Variants in R3HDM2 observed in about 807,000 individuals in gnomAD.
R3HDM2 encodes the protein R3H domain containing 2.
In R3HDM2, 38 loss-of-function variants were observed where a neutral mutation model predicts 124.5. The ratio of observed to expected loss-of-function variants is 0.31; its 90% confidence interval spans 0.24 to 0.40. The LOEUF is 0.40. Ranked by LOEUF, R3HDM2 falls within the 10% of genes least tolerant of loss-of-function variation. The pLI is 1.00. For missense variants in R3HDM2, 869 were observed against 1,236.9 expected, an observed-to-expected ratio of 0.70 and a Z score of 4.46; for synonymous variants, 391 against 448.0, an observed-to-expected ratio of 0.87 and a Z score of 1.61.
At chr12:57,414,505 A>C (rs1342338513) in intron 1 of R3HDM2, among the ~76,000 whole-genome samples, 2 of 146,728 alleles carry the variant, frequency 1.4e-5, no homozygotes, top group African/African-American at 5.0e-5. Context: ...AAAAAAAAAA[A>C]AAAAACGAAA....
chr12:57,303,523 C>A (rs1411496717), intron 3 of R3HDM2, among the ~76,000 whole-genome samples: 1 of 151,724 alleles, frequency 6.6e-6, no homozygotes, highest in Non-Finnish European at 1.5e-5. Flanking sequence ...GCAGGCGGAT[C>A]CCTTGAGCTC....
intron 2 of R3HDM2, among the ~76,000 whole-genome samples, chr12:57,374,923 G>A (rs1005365279): frequency 6.0e-5 from 9 of 151,068 alleles, no homozygotes; most frequent in African/African-American, 9.7e-5. Context: ...GTGAACCCGG[G>A]AGGCGGAGCT....
chr12:57,416,979 G>C (rs2069685688), intron 1 of R3HDM2, among the ~76,000 whole-genome samples: 1 of 150,876 alleles, frequency 6.6e-6, no homozygotes, highest in South Asian at 2.1e-4. Flanking sequence ...GTGGTGGCGG[G>C]CACCTGTAGT....
intron 12 of R3HDM2, among the ~76,000 whole-genome samples, chr12:57,285,738 C>G (rs563915790): frequency 3.5e-4 from 54 of 152,304 alleles, no homozygotes; most frequent in South Asian, 1.5e-3. Flanking sequence ...ATAGATGAGG[C>G]TGCTCATTAG....
chr12:57,361,906 G>A (rs1257010101), intron 2 of R3HDM2, among the ~76,000 whole-genome samples: 1 of 152,116 alleles, frequency 6.6e-6, no homozygotes, highest in Non-Finnish European at 1.5e-5. Flanking sequence ...CAACAGATGA[G>A]TTTCCAGACA....
rs182015691 is a variant in R3HDM2, at chr12:57,335,453, G to A, written c.-35-24990C>T. ...AAACTCCTGACCTCAGCCTCCCAAA[G>A]TGCTGGGATTACAGGCGTGAGCCAT... On this transcript the variant is annotated intron_variant, in intron 2 of 23. Transcript: ENST00000402412. Among the ~76,000 whole-genome samples, 30 of 145,666 alleles carry A rather than the reference G, an allele frequency of 2.1e-4. 1 individual carries two copies. In the East Asian group the frequency reaches 5.4e-3, roughly 26 times the overall value.
chr12:57,335,841 G>A (rs887546444), intron 2 of R3HDM2, among the ~76,000 whole-genome samples: 3 of 152,080 alleles, frequency 2.0e-5, no homozygotes, highest in East Asian at 1.9e-4. Flanking sequence ...GCTGAAGCAG[G>A]AGGATGGCTT....
intron 2 of R3HDM2, among the ~76,000 whole-genome samples, chr12:57,334,478 C>CT (rs542776584): frequency 0.066 from 9,644 of 145,812 alleles, 412 homozygotes; most frequent in East Asian, 0.21. Flanking sequence ...TTTCCCTTGC[C>CT]TTTTTTTTTT....
At chr12:57,331,534 C>A (rs2058193072) in intron 2 of R3HDM2, among the ~76,000 whole-genome samples, 1 of 152,138 alleles carries the variant, frequency 6.6e-6, no homozygotes, top group Non-Finnish European at 1.5e-5. Flanking sequence ...TGCTTATAAA[C>A]AGGGTCTAGA....
intron 18 of R3HDM2, among the ~76,000 whole-genome samples, chr12:57,268,019 T>C (rs2042852273): frequency 6.6e-6 from 1 of 152,234 alleles, no homozygotes; most frequent in South Asian, 2.1e-4. Flanking sequence ...ATGAGCAGTC[T>C]CTATCCTCTA....
chr12:57,393,689 A>C (rs1201737006), intron 2 of R3HDM2, among the ~76,000 whole-genome samples: 1 of 152,106 alleles, frequency 6.6e-6, no homozygotes, highest in Non-Finnish European at 1.5e-5. Flanking sequence ...AAATTTGATG[A>C]AAATCACTCA....
chr12:57,341,949 G>A (rs1300905893), intron 2 of R3HDM2, among the ~76,000 whole-genome samples: 1 of 152,112 alleles, frequency 6.6e-6, no homozygotes, highest in Non-Finnish European at 1.5e-5. Context: ...AAAAGTTCTA[G>A]CAAACCTAAT....
chr12:57,281,331 T>TAC (rs2046087618), intron 13 of R3HDM2, among the ~76,000 whole-genome samples: 1 of 149,196 alleles, frequency 6.7e-6, no homozygotes, highest in Non-Finnish European at 1.5e-5. Flanking sequence ...ACTTCAAGCA[T>TAC]ACACATAACC....
intron 20 of R3HDM2, among the ~76,000 whole-genome samples, 173 bp from the exon 21 acceptor site, chr12:57,258,310 TTTTATTTATTTATTTATTTA>T (rs201590705): frequency 3.4e-5 from 5 of 145,016 alleles, no homozygotes; most frequent in East Asian, 2.0e-4. Flanking sequence ...ATTTATGCTA[TTTTATTTATTTATTTATTTA>T]TTTATTTATT....
At chr12:57,414,910 A>T (rs2069420674) in intron 1 of R3HDM2, among the ~76,000 whole-genome samples, 1 of 152,042 alleles carries the variant, frequency 6.6e-6, no homozygotes. Flanking sequence ...AGGAATCAGG[A>T]TTCCTTAAAG....
intron 8 of R3HDM2, chr12:57,297,115 A>T (rs2050062243): frequency 2.2e-6 from 1 of 455,804 alleles, no homozygotes; most frequent in South Asian, 3.1e-5. Flanking sequence ...ACAAAGAAAA[A>T]GGAAGACATT....
chr12:57,336,459 T>A (rs191346085), intron 2 of R3HDM2, among the ~76,000 whole-genome samples: 5 of 152,124 alleles, frequency 3.3e-5, no homozygotes, highest in Non-Finnish European at 4.4e-5. Flanking sequence ...ATGTGGTACA[T>A]ACACCATGGA....
intron 2 of R3HDM2, among the ~76,000 whole-genome samples, chr12:57,360,668 GAAGGAAAAAGGAAAGGCGA>G (rs2061816961): frequency 6.6e-6 from 1 of 150,772 alleles, no homozygotes; most frequent in Non-Finnish European, 1.5e-5. Context: ...AGAGGAAAGG[GAAGGAAAAAGGAAAGGCGA>G]AAGGAAAAAG....
At position 57,299,584 on chromosome 12, in the gene R3HDM2, T is replaced by C. The variant is rs1027545869; in HGVS notation, c.295-106A>G. ...ATCTTGGGGTGGCAGCTCTCTCTTATAGATTAGTGTTATTTTGCTAATTAA... is the reference window on the plus strand; with the variant it reads ...ATCTTGGGGTGGCAGCTCTCTCTTACAGATTAGTGTTATTTTGCTAATTAA... On this transcript the variant is annotated intron_variant, in intron 5 of 23. Coordinates refer to ENST00000402412, the MANE Select transcript of R3HDM2 (RefSeq NM_001394031.1). 4.9e-5 allele frequency: 56 copies of C among 1,143,034 alleles called. No individual in the cohort carries two copies. The South Asian group carries it at 6.2e-4, about 13-fold the overall frequency. 70.8% of individuals were successfully genotyped at this position (1,143,034 alleles called of 1,614,324 possible).
Sources: allele counts gnomAD v4.1 joint callset (sites outside exome capture counted in the v4.1 genomes callset), GRCh38; gene constraint gnomAD v4.1.1; transcripts MANE v1.5; gene names NCBI Gene and HGNC (gene_info 2026-07-23, HGNC 2026-07-21).